Variants in THUMPD2 observed in about 807,000 individuals in gnomAD.
THUMPD2 encodes THUMP domain 2 tRNA and snRNA guanosine methyltransferase.
In THUMPD2, 56 loss-of-function variants were observed where a neutral mutation model predicts 49.4. That is an observed-to-expected ratio of 1.13 (90% CI 0.91 to 1.41). The LOEUF (loss-of-function observed/expected upper bound fraction) is 1.41, where lower values mean the gene tolerates loss of function less well. THUMPD2 is among the 40% of genes most tolerant of loss of function. THUMPD2 has a pLI of 0.00. For missense variants in THUMPD2, 709 were observed against 594.5 expected (o/e 1.19, Z -2.00); for synonymous variants, 237 against 205.2 (o/e 1.15, Z -1.32).
intron 8 of THUMPD2, among the ~76,000 whole-genome samples, chr2:39,753,621 C>T (rs1418328241): frequency 2.6e-5 from 4 of 152,182 alleles, no homozygotes; most frequent in African/African-American, 4.8e-5. Context: ...CTAACTTGAT[C>T]CACCATCCGT....
intron 9 of THUMPD2, among the ~76,000 whole-genome samples, chr2:39,742,226 T>C (rs1422124572): frequency 2.0e-5 from 3 of 152,166 alleles, no homozygotes; most frequent in Non-Finnish European, 4.4e-5. Context: ...GACATAAAGG[T>C]TGGGGACAGG....
chr2:39,779,013 G>A, intron 1 of THUMPD2, 101 bp downstream of exon 1: 8 of 1,331,718 alleles, frequency 6.0e-6, no homozygotes, highest in Non-Finnish European at 7.7e-6. Context: ...GTGGAACAGA[G>A]AGGGGCGCCA....
Position 39,771,531 on chromosome 2 carries a change from G to C in THUMPD2, c.236C>G (p.Pro79Arg). ...TTTACTTACAGAAGAAATAATAAGT[G>C]GAAACTGCTTTTTAATCAGCAAAAA... ...RLFLLIKKQFPLIISSVSKGK... is the reference protein window; with the variant it reads ...RLFLLIKKQFRLIISSVSKGK... The change falls in exon 2 of 10, where the codon CCA becomes CGA. Residue 79 changes from proline to arginine, a missense_variant. By Grantham distance (103) the Pro-to-Arg change is moderately radical (BLOSUM62 -2). Coordinates refer to ENST00000505747, the MANE Select transcript of THUMPD2 (RefSeq NM_025264.5). 1 of 1,604,992 alleles carries C rather than the reference G, an allele frequency of 6.2e-7. No individual in the cohort carries two copies. Among genetic ancestry groups the C allele is most frequent in the African/African-American group, 1.3e-5 (1 of 74,342 alleles).
intron 4 of THUMPD2, 106 bp downstream of exon 4, chr2:39,768,318 A>C (rs1677828657): frequency 1.1e-6 from 1 of 946,242 alleles, no homozygotes; most frequent in Non-Finnish European, 1.7e-6. Flanking sequence ...CTGTAGATAC[A>C]CTTTTTATAA....
intron 8 of THUMPD2, among the ~76,000 whole-genome samples, chr2:39,745,584 G>A (rs575787159): frequency 2.0e-5 from 3 of 152,154 alleles, no homozygotes; most frequent in South Asian, 2.1e-4. Context: ...GAGGAAGCAT[G>A]TAGTAATTTA....
intron 8 of THUMPD2, among the ~76,000 whole-genome samples, chr2:39,751,606 ATAT>A (rs1226583887): frequency 4.6e-5 from 7 of 152,118 alleles, no homozygotes; most frequent in African/African-American, 1.7e-4. Flanking sequence ...AAAACTTATA[ATAT>A]TCATTTGATT....
chr2:39,769,999 C>T lies in THUMPD2; in HGVS notation c.383G>A (p.Arg128Lys), dbSNP rs1049071479. 3 of 1,574,048 alleles carry T rather than the reference C, an allele frequency of 1.9e-6. No homozygotes were observed. The highest frequency in any genetic ancestry group is 2.6e-6 in the Non-Finnish European group (3 of 1,168,752). The change falls in exon 3 of 10, where the codon AGA becomes AAA. Residue 128 changes from arginine (R) to lysine (K), a missense_variant. Physicochemically the swap from Arg to Lys is conservative, Grantham distance 26. Transcript: ENST00000505747. The part of the protein sequence containing the change: ...LDAKKEKLSQ[R>K]DDNQLKRKVG... Reference sequence around the variant, plus strand: ...TTTTCTTTTTAGTTGGTTATCATCTCTCTGAGAAAGTTTTTCCTTTTTTGC... The same window carrying T: ...TTTTCTTTTTAGTTGGTTATCATCTTTCTGAGAAAGTTTTTCCTTTTTTGC...
chr2:39,763,985 A>G (rs1677174576), intron 5 of THUMPD2, among the ~76,000 whole-genome samples: 1 of 152,226 alleles, frequency 6.6e-6, no homozygotes, highest in African/African-American at 2.4e-5. Context: ...CCTCCATGTA[A>G]ATCAAGCTTC....
At chr2:39,775,494 G>T (rs1226529935) in intron 1 of THUMPD2, among the ~76,000 whole-genome samples, 2 of 152,056 alleles carry the variant, frequency 1.3e-5, no homozygotes, top group African/African-American at 2.4e-5. Context: ...ATTCAGCTGG[G>T]CATGGTGGCT....
chr2:39,740,504 T>C (rs1423145343), intron 9 of THUMPD2, among the ~76,000 whole-genome samples: 3 of 152,216 alleles, frequency 2.0e-5, no homozygotes, highest in Non-Finnish European at 4.4e-5. Context: ...TTTGTTCAAA[T>C]AATGGAGAGA....
At chr2:39,751,888 T>A (rs1015828631) in intron 8 of THUMPD2, among the ~76,000 whole-genome samples, 1 of 152,054 alleles carries the variant, frequency 6.6e-6, no homozygotes, top group Non-Finnish European at 1.5e-5. Context: ...GGTTTCACCA[T>A]GTTGGCCAGG....
chr2:39,768,469 C>A lies in THUMPD2; in HGVS notation c.705G>T (p.Met235Ile). Residue 235 changes from methionine to isoleucine, a missense_variant, in exon 4 of 10, where the codon ATG (methionine) becomes ATT (isoleucine). Physicochemically the swap from Met to Ile is conservative, Grantham distance 10. Transcript: ENST00000505747. ...AGTCTGCTTTCCATCCAAAGTGTTT[C>A]ATAATAGCAATTCCAATTACTTTTC... is the stretch of plus-strand genomic sequence containing the variant. ...EVGKVIGIAI[M>I]KHFGWKADLR... is the part of the protein sequence containing the mutation. 1 of 1,612,972 alleles carries A rather than the reference C, an allele frequency of 6.2e-7. No individual in the cohort carries two copies. Among genetic ancestry groups the A allele is most frequent in the Non-Finnish European group, 8.5e-7 (1 of 1,179,636 alleles).
intron 8 of THUMPD2, among the ~76,000 whole-genome samples, chr2:39,749,971 T>C (rs1259979077): frequency 1.3e-5 from 2 of 152,232 alleles, no homozygotes; most frequent in African/African-American, 4.8e-5. Context: ...GGTATATATG[T>C]ACTATATTTT....
At chr2:39,778,908 C>A (rs774133487) in intron 1 of THUMPD2, among the ~76,000 whole-genome samples, 1 of 152,222 alleles carries the variant, frequency 6.6e-6, no homozygotes. Flanking sequence ...AAGTGAGGAA[C>A]TGGATTTGCT....
chr2:39,773,337 T>C (rs1678589383), intron 1 of THUMPD2, among the ~76,000 whole-genome samples: 1 of 151,872 alleles, frequency 6.6e-6, no homozygotes, highest in Non-Finnish European at 1.5e-5. Context: ...ACTAAATATT[T>C]TACTGAAAAT....
rs368168890 is a variant in THUMPD2 at position 39,775,061 on chromosome 2, C to T, written c.127-3421G>A. Among the ~76,000 whole-genome samples the T allele has an allele frequency of 3.0e-3, 464 of 152,286 alleles. 8 individuals are homozygous for T. Among genetic ancestry groups the T allele is most frequent in the African/African-American group, 0.011 (453 of 41,554 alleles). On this transcript the variant is annotated intron_variant, in intron 1 of 9. Transcript: ENST00000505747. Reference sequence around the variant, plus strand: ...TTGGGAGGCCAAAGCGGGAGGACTGCTTGAGCCCAGGAGTTTGAGATCAGC... The same window carrying T: ...TTGGGAGGCCAAAGCGGGAGGACTGTTTGAGCCCAGGAGTTTGAGATCAGC...
At chr2:39,749,166 T>G (rs1455746390) in intron 8 of THUMPD2, among the ~76,000 whole-genome samples, 1 of 152,140 alleles carries the variant, frequency 6.6e-6, no homozygotes, top group Non-Finnish European at 1.5e-5. Flanking sequence ...CCCACCAAAG[T>G]AATGCATAAG....
At chr2:39,770,343 T>C (rs1678148182) in intron 2 of THUMPD2, among the ~76,000 whole-genome samples, 1 of 152,146 alleles carries the variant, frequency 6.6e-6, no homozygotes, top group African/African-American at 2.4e-5. Context: ...CGTATTGTGT[T>C]AAAATTCCTA....
At chr2:39,742,231 G>A (rs1673989213) in intron 9 of THUMPD2, among the ~76,000 whole-genome samples, 1 of 152,160 alleles carries the variant, frequency 6.6e-6, no homozygotes, top group Non-Finnish European at 1.5e-5. Flanking sequence ...AAAGGTTGGG[G>A]ACAGGTGGCA....
Sources: gnomAD v4.1 joint callset for allele counts (sites outside exome capture counted in the v4.1 genomes callset) on GRCh38, gnomAD v4.1.1 for gene constraint, MANE v1.5 for transcripts, NCBI Gene and HGNC (gene_info 2026-07-23, HGNC 2026-07-21) for gene names.